Variants in PRKD1 observed in about 807,000 individuals in gnomAD.
PRKD1 encodes protein kinase D1, also known as serine/threonine-protein kinase D1.
Under a neutral mutation model 95.9 loss-of-function variants are expected in PRKD1, and 63 were observed. The observed-to-expected ratio is 0.66, with a 90% confidence interval of 0.54 to 0.81. The LOEUF (loss-of-function observed/expected upper bound fraction) is 0.81, where lower values mean the gene tolerates loss of function less well. Among genes scored for constraint, PRKD1 ranks in the 30% least tolerant of loss-of-function variants. PRKD1 has a pLI of 0.00. For synonymous variants in PRKD1, 425 were observed against 423.1 expected (o/e 1.00, Z -0.05); for missense variants, 1,048 against 1,165.3 (o/e 0.90, Z 1.47).
chr14:29,629,629 T>C (rs1476961567), intron 10 of PRKD1, among the ~76,000 whole-genome samples: 2 of 152,202 alleles, frequency 1.3e-5, no homozygotes, highest in Non-Finnish European at 2.9e-5. Context: ...GGTTTCATTA[T>C]GAGTAACTAT....
At chr14:29,761,694 A>C (rs1887992574) in intron 1 of PRKD1, among the ~76,000 whole-genome samples, 1 of 152,184 alleles carries the variant, frequency 6.6e-6, no homozygotes, top group Admixed American at 6.5e-5. Context: ...TTTTTAGAAA[A>C]GCATCCTCCC....
chr14:29,606,066 G>A (rs1893693723), intron 13 of PRKD1, among the ~76,000 whole-genome samples: 1 of 151,934 alleles, frequency 6.6e-6, no homozygotes, highest in African/African-American at 2.4e-5. Flanking sequence ...AGGCTGGACT[G>A]CAGTGGTGCA....
chr14:29,826,838 TACACACATATATATATATA>T (rs1891202938), intron 1 of PRKD1, among the ~76,000 whole-genome samples: 1 of 17,440 alleles, frequency 5.7e-5, no homozygotes, highest in African/African-American at 2.1e-4. Flanking sequence ...TATATATATA[TACACACATATATATATATA>T]TATATATATA....
chr14:29,784,342 T>C (rs1889176345), intron 1 of PRKD1, among the ~76,000 whole-genome samples: 1 of 152,172 alleles, frequency 6.6e-6, no homozygotes, highest in African/African-American at 2.4e-5. Flanking sequence ...TCCAGCTTTG[T>C]TCTTTTTGCT....
At chr14:29,834,716 T>G (rs977097630) in intron 1 of PRKD1, among the ~76,000 whole-genome samples, 1 of 152,172 alleles carries the variant, frequency 6.6e-6, no homozygotes, top group Non-Finnish European at 1.5e-5. Flanking sequence ...ATGGGGCAAT[T>G]CTTACCTGTT....
chr14:29,737,418 T>G lies in PRKD1; in HGVS notation c.265-11744A>C, dbSNP rs377478919. 6.4e-4 allele frequency among the ~76,000 whole-genome samples: 95 copies of G among 147,472 alleles called. 2 individuals carry two copies. In the South Asian group the frequency reaches 0.019, roughly 30 times the overall value. On this transcript the variant is annotated intron_variant, in intron 1 of 17. Transcript: ENST00000331968. Reference sequence around the variant, plus strand: ...GAGGATTCAATAAAAGTCCTGAAATTAAATTATTCTGGTCAATAATGGAAT... The same window carrying G: ...GAGGATTCAATAAAAGTCCTGAAATGAAATTATTCTGGTCAATAATGGAAT...
At chr14:29,824,670 T>C (rs1015168221) in intron 1 of PRKD1, among the ~76,000 whole-genome samples, 7 of 152,162 alleles carry the variant, frequency 4.6e-5, no homozygotes, top group Admixed American at 1.3e-4. Context: ...AATATATTCA[T>C]ACGCAGGAAA....
chr14:29,590,860 C>A lies in PRKD1; in HGVS notation c.2434+6631G>T, dbSNP rs550095251. On this transcript the variant is annotated intron_variant, in intron 16 of 17. Coordinates refer to ENST00000331968, the MANE Select transcript of PRKD1 (RefSeq NM_002742.3). ...GGCTGGAGTGCAGAGGCACTTGCAC[C>A]CTCTGCCTCCTGGGTTCAAGCAATT... 9.9e-5 allele frequency among the ~76,000 whole-genome samples: 15 copies of A among 152,076 alleles called. No homozygotes were observed. The South Asian group carries it at 3.1e-3, about 32-fold the overall frequency.
At chr14:29,712,475 T>C (rs1266222813) in intron 2 of PRKD1, among the ~76,000 whole-genome samples, 1 of 152,148 alleles carries the variant, frequency 6.6e-6, no homozygotes, top group East Asian at 1.9e-4. Flanking sequence ...CTTTATAACA[T>C]GAAAAATAAT....
Position 29,820,501 on chromosome 14 carries a change from C to T in PRKD1, c.265-94827G>A, listed in dbSNP as rs138543715. On this transcript the variant is annotated intron_variant, in intron 1 of 17. Transcript: ENST00000331968. ...GAGAAAAGAAACTTAAGGATGAGTA[C>T]GTGCTCTCCTAGCTGACAGGAAAAG... is the stretch of plus-strand genomic sequence containing the variant. 1.7e-4 allele frequency among the ~76,000 whole-genome samples: 26 copies of T among 152,274 alleles called. No individual in the cohort carries two copies. The East Asian group carries it at 3.7e-3, about 21-fold the overall frequency.
intron 2 of PRKD1, among the ~76,000 whole-genome samples, chr14:29,695,174 C>T (rs980538878): frequency 1.4e-5 from 2 of 146,528 alleles, no homozygotes; most frequent in Non-Finnish European, 3.0e-5. Context: ...GCGGAGGTTG[C>T]AGTGAGCTGA....
In PRKD1 at chr14:29,638,897, G is replaced by T; in HGVS notation, c.704C>A (p.Ser235Ter). 1 of 1,613,856 alleles carries T rather than the reference G, an allele frequency of 6.2e-7. No homozygotes were observed. Among genetic ancestry groups the T allele is most frequent in the South Asian group, 1.1e-5 (1 of 91,038 alleles). The change falls in exon 5 of 18, where the codon TCA becomes TAA. Residue 235 changes from serine to a stop codon, truncating the protein, a stop_gained. Transcript: ENST00000331968. LOFTEE classifies it high-confidence loss of function. ...SAPDEPLLQK[S>*]PSESFIGREK... is the part of the protein sequence containing the mutation. The stretch of plus-strand genomic sequence containing the variant: ...TCGACCAATAAACGACTCTGATGGT[G>T]ATTTTTGCTACATTTTGGAAAACAA...
At chr14:29,673,347 C>T (rs951844776) in intron 2 of PRKD1, among the ~76,000 whole-genome samples, 1 of 152,180 alleles carries the variant, frequency 6.6e-6, no homozygotes, top group South Asian at 2.1e-4. Flanking sequence ...TTTTCTCCAG[C>T]CATTTCTAAG....
chr14:29,765,980 A>G (rs1157750725), intron 1 of PRKD1, among the ~76,000 whole-genome samples: 1 of 152,150 alleles, frequency 6.6e-6, no homozygotes, highest in Non-Finnish European at 1.5e-5. Context: ...ATAACAATTT[A>G]TTAAACCATA....
At chr14:29,582,551 T>C (rs1698522151) in intron 16 of PRKD1, among the ~76,000 whole-genome samples, 1 of 152,194 alleles carries the variant, frequency 6.6e-6, no homozygotes, top group Non-Finnish European at 1.5e-5. Flanking sequence ...ACCCATCTCA[T>C]AGCTGCTATT....
At chr14:29,699,245 A>G (rs1482705207) in intron 2 of PRKD1, among the ~76,000 whole-genome samples, 1 of 152,214 alleles carries the variant, frequency 6.6e-6, no homozygotes, top group African/African-American at 2.4e-5. Flanking sequence ...AAGTTGCCTA[A>G]CAAAAGAGCT....
chr14:29,863,851 C>T (rs45500798), intron 1 of PRKD1, among the ~76,000 whole-genome samples: 2,094 of 152,120 alleles, frequency 0.014, 38 homozygotes, highest in South Asian at 0.09. Context: ...GTAGAGCATA[C>T]AGAGTTTTTC....
intron 16 of PRKD1, among the ~76,000 whole-genome samples, chr14:29,593,004 G>A (rs574657348): frequency 2.4e-4 from 36 of 152,160 alleles, no homozygotes; most frequent in East Asian, 3.9e-4. Flanking sequence ...TGGAGCCAGC[G>A]GACAGGATTT....
chr14:29,621,199 G>T, intron 13 of PRKD1, among the ~76,000 whole-genome samples: 1 of 145,474 alleles, frequency 6.9e-6, no homozygotes, highest in African/African-American at 2.5e-5. Context: ...TTGTGGGATG[G>T]GGGGAGGGGG....
Sources: gnomAD v4.1 joint callset for allele counts (sites outside exome capture counted in the v4.1 genomes callset) on GRCh38, gnomAD v4.1.1 for gene constraint, MANE v1.5 for transcripts, NCBI Gene and HGNC (gene_info 2026-07-23, HGNC 2026-07-21) for gene names.